SOX5: variants seen among roughly 807,000 people sequenced by gnomAD.
The protein encoded by SOX5 is SRY-box transcription factor 5.
A neutral mutation model predicts 92.0 loss-of-function variants in SOX5; 9 were observed. The ratio of observed to expected loss-of-function variants is 0.10; its 90% CI spans 0.06 to 0.17. The LOEUF is 0.17. SOX5 is among the 10% of genes least tolerant of loss of function. SOX5 has a pLI of 1.00. For missense variants in SOX5, 642 were observed against 944.5 expected (o/e 0.68, Z 4.20); for synonymous variants, 344 against 336.3 (o/e 1.02, Z -0.25).
intron 4 of SOX5, among the ~76,000 whole-genome samples, chr12:24,128,609 T>C (rs1949342571): frequency 6.6e-6 from 1 of 151,954 alleles, no homozygotes; most frequent in East Asian, 1.9e-4. Context: ...GTGGGAACAG[T>C]GTATGCAAAG....
intron 2 of SOX5, among the ~76,000 whole-genome samples, chr12:23,893,348 A>T (rs2097147443): frequency 6.6e-6 from 1 of 152,034 alleles, no homozygotes. Context: ...TGGGAGGCTG[A>T]GGCAGGAGAA....
At chr12:24,065,645 C>CAAAAAAAAAAAA (rs71445983) in intron 4 of SOX5, among the ~76,000 whole-genome samples, 116 of 81,216 alleles carry the variant, frequency 1.4e-3, no homozygotes, top group African/African-American at 2.5e-3. Context: ...GACTCCATCT[C>CAAAAAAAAAAAA]AAAAAAAAAA....
At chr12:24,493,940 T>C (rs934953032) in intron 1 of SOX5, among the ~76,000 whole-genome samples, 3 of 152,176 alleles carry the variant, frequency 2.0e-5, no homozygotes, top group African/African-American at 4.8e-5. Context: ...CAGTGATACA[T>C]TGACTTTTTA....
chr12:24,541,192 C>G (rs1343380282), intron 1 of SOX5, among the ~76,000 whole-genome samples: 2 of 152,172 alleles, frequency 1.3e-5, no homozygotes, highest in African/African-American at 4.8e-5. Flanking sequence ...TTGTATCATG[C>G]TGCACCAGAA....
At chr12:24,048,373 T>A (rs1413262377) in intron 4 of SOX5, among the ~76,000 whole-genome samples, 1 of 152,170 alleles carries the variant, frequency 6.6e-6, no homozygotes, top group East Asian at 1.9e-4. Flanking sequence ...ATGTCTCAAG[T>A]CCAACTGTGT....
chr12:23,950,844 TAC>T, upstream of SOX5: 1 of 1,533,812 alleles, frequency 6.5e-7, no homozygotes, highest in Non-Finnish European at 8.7e-7. Context: ...CAGAGGCACA[TAC>T]ACACAGAGAG....
At chr12:23,984,144 C>T (rs1005356062) in intron 4 of SOX5, among the ~76,000 whole-genome samples, 1 of 152,014 alleles carries the variant, frequency 6.6e-6, no homozygotes, top group African/African-American at 2.4e-5. Flanking sequence ...TTGAAAACAC[C>T]TTATATGACA....
At chr12:24,379,249 TGAGTGA>T (rs1957582394) in intron 1 of SOX5, among the ~76,000 whole-genome samples, 1 of 152,184 alleles carries the variant, frequency 6.6e-6, no homozygotes, top group Non-Finnish European at 1.5e-5. Context: ...TAGTCATGTT[TGAGTGA>T]AAGTTGGAAA....
chr12:23,634,395 T>C (rs1360437183), intron 8 of SOX5, among the ~76,000 whole-genome samples: 2 of 152,100 alleles, frequency 1.3e-5, no homozygotes, highest in Non-Finnish European at 2.9e-5. Context: ...TTAAGTAGGT[T>C]GGTTAAGGTA....
At chr12:24,380,130 G>C (rs987305442) in intron 1 of SOX5, among the ~76,000 whole-genome samples, 3 of 152,144 alleles carry the variant, frequency 2.0e-5, no homozygotes, top group African/African-American at 7.2e-5. Flanking sequence ...CACAATAACT[G>C]CAAGAACCAC....
intron 1 of SOX5, among the ~76,000 whole-genome samples, chr12:24,476,545 T>C (rs746374227): frequency 1.3e-5 from 2 of 152,172 alleles, no homozygotes; most frequent in Non-Finnish European, 2.9e-5. Context: ...ATGGATGACC[T>C]GAACTGTAGT....
At chr12:24,561,679 C>T (rs1463977136) in intron 1 of SOX5, among the ~76,000 whole-genome samples, 1 of 151,748 alleles carries the variant, frequency 6.6e-6, no homozygotes, top group Non-Finnish European at 1.5e-5. Context: ...TCTCTGAAAT[C>T]CCTAGAATCC....
At chr12:24,298,736 G>T (rs1316497571) in intron 2 of SOX5, among the ~76,000 whole-genome samples, 1 of 135,502 alleles carries the variant, frequency 7.4e-6, no homozygotes, top group African/African-American at 2.8e-5. Context: ...AGGTCACACA[G>T]ATAGGAAGGT....
Position 24,256,676 on chromosome 12 carries a change from A to G in SOX5, c.-77+20540T>C, listed in dbSNP as rs1206586295. Among the ~76,000 whole-genome samples the G allele has an allele frequency of 3.3e-5, 5 of 152,110 alleles. No individual in the cohort carries two copies. The East Asian group carries it at 9.7e-4, about 29-fold the overall frequency. ...AGAAGAGGGGCAGGGTGGGTGGGGA[A>G]TGACTGACTATCCATTAGAGTTGCA... On this transcript the variant is annotated intron_variant, in intron 3 of 4. Coordinates refer to the SOX5 transcript ENST00000446891.
At chr12:24,038,816 C>G (rs1302347202) in intron 4 of SOX5, among the ~76,000 whole-genome samples, 2 of 152,260 alleles carry the variant, frequency 1.3e-5, no homozygotes, top group African/African-American at 4.8e-5. Flanking sequence ...CACTGCAATA[C>G]TTTCATCAAT....
intron 1 of SOX5, among the ~76,000 whole-genome samples, chr12:24,509,579 T>C (rs1462145498): frequency 1.3e-5 from 2 of 152,108 alleles, no homozygotes; most frequent in African/African-American, 2.4e-5. Flanking sequence ...AAGCAATTAA[T>C]AGCAATAGCC....
chr12:24,419,040 G>A (rs976317098), intron 1 of SOX5, among the ~76,000 whole-genome samples: 8 of 152,166 alleles, frequency 5.3e-5, no homozygotes, highest in African/African-American at 1.9e-4. Context: ...AATGTTGTGT[G>A]TTTTTTTCTT....
intron 1 of SOX5, among the ~76,000 whole-genome samples, chr12:24,496,552 C>T (rs1430006437): frequency 6.6e-6 from 1 of 152,048 alleles, no homozygotes. Flanking sequence ...TGTAATGTTA[C>T]TGGGAGTAGC....
intron 4 of SOX5, among the ~76,000 whole-genome samples, chr12:23,745,126 T>C (rs1264958113): frequency 6.6e-6 from 1 of 152,236 alleles, no homozygotes. Context: ...TGAATTAGGG[T>C]TGGTGGGTAG....
Sources: allele counts gnomAD v4.1 joint callset (sites outside exome capture counted in the v4.1 genomes callset), GRCh38; gene constraint gnomAD v4.1.1; transcripts MANE v1.5; gene names NCBI Gene and HGNC (gene_info 2026-07-23, HGNC 2026-07-21).